EXT1: variants seen among roughly 807,000 people sequenced by gnomAD.
EXT1 encodes exostosin-1.
Under a neutral mutation model 82.5 loss-of-function variants are expected in EXT1, and 20 were observed. The ratio of observed to expected loss-of-function variants is 0.24; its 90% CI spans 0.17 to 0.35. EXT1 has a LOEUF of 0.35. Among genes scored for constraint, EXT1 ranks in the 10% least tolerant of loss-of-function variants. The pLI, the probability that EXT1 is intolerant of heterozygous loss-of-function variation, is 1.00. For missense variants in EXT1, 757 were observed against 936.5 expected, an observed-to-expected ratio of 0.81 and a Z score of 2.50; for synonymous variants, 348 against 350.8, an observed-to-expected ratio of 0.99 and a Z score of 0.09.
At chr8:117,863,773 C>G (rs1042354397) in intron 1 of EXT1, among the ~76,000 whole-genome samples, 1 of 152,166 alleles carries the variant, frequency 6.6e-6, no homozygotes, top group African/African-American at 2.4e-5. Flanking sequence ...GATATGTCAG[C>G]AACGCAGGGT....
intron 1 of EXT1, among the ~76,000 whole-genome samples, chr8:118,042,668 TTC>T (rs1265150920): frequency 6.6e-6 from 1 of 152,204 alleles, no homozygotes; most frequent in Non-Finnish European, 1.5e-5. Flanking sequence ...TTCTCCTGTG[TTC>T]TCTTTGTCCT....
chr8:117,830,157 A>G, intron 4 of EXT1, 73 bp downstream of exon 4: 1 of 1,603,004 alleles, frequency 6.2e-7, no homozygotes, highest in Non-Finnish European at 8.5e-7. Context: ...CATCCCTAAT[A>G]GCAAAACAGA....
At chr8:117,848,889 C>T (rs766197509) in intron 1 of EXT1, among the ~76,000 whole-genome samples, 1 of 152,148 alleles carries the variant, frequency 6.6e-6, no homozygotes, top group Non-Finnish European at 1.5e-5. Context: ...AAATGTCACC[C>T]CCCCAGTCTG....
At chr8:117,877,941 C>A (rs1188307365) in intron 1 of EXT1, among the ~76,000 whole-genome samples, 2 of 152,006 alleles carry the variant, frequency 1.3e-5, no homozygotes, top group Non-Finnish European at 2.9e-5. Flanking sequence ...AGGCTATGCC[C>A]CTTGGTGATT....
chr8:117,868,808 C>G (rs1259826884), intron 1 of EXT1, among the ~76,000 whole-genome samples: 2 of 152,112 alleles, frequency 1.3e-5, no homozygotes, highest in African/African-American at 4.8e-5. Flanking sequence ...ATCCTCACGA[C>G]CAAGGGGTAT....
chr8:118,068,203 G>A (rs1231191987), intron 1 of EXT1, among the ~76,000 whole-genome samples: 5 of 152,192 alleles, frequency 3.3e-5, no homozygotes, highest in African/African-American at 7.2e-5. Context: ...GGCAAACTCC[G>A]AAGTTCAAGT....
At chr8:118,019,450 T>C (rs1023612392) in intron 1 of EXT1, among the ~76,000 whole-genome samples, 1 of 152,176 alleles carries the variant, frequency 6.6e-6, no homozygotes, top group African/African-American at 2.4e-5. Flanking sequence ...CCATGCTTCT[T>C]AAAACAGGAA....
chr8:117,863,957 G>A (rs1382648759), intron 1 of EXT1, among the ~76,000 whole-genome samples: 1 of 152,146 alleles, frequency 6.6e-6, no homozygotes, highest in Non-Finnish European at 1.5e-5. Flanking sequence ...ACATGTTGCA[G>A]AAAAGGTTTC....
At chr8:118,025,208 G>A (rs551632104) in intron 1 of EXT1, among the ~76,000 whole-genome samples, 38 of 152,200 alleles carry the variant, frequency 2.5e-4, no homozygotes, top group Admixed American at 2.0e-3. Context: ...ACTAAGGTAG[G>A]TAAAGAAACA....
intron 1 of EXT1, among the ~76,000 whole-genome samples, chr8:117,974,020 C>T (rs1390903719): frequency 6.8e-6 from 1 of 147,476 alleles, no homozygotes; most frequent in Non-Finnish European, 1.5e-5. Context: ...GTAGACCAGC[C>T]CAGTGGTTTA....
Position 117,941,855 on chromosome 8 carries a change from A to C in EXT1, c.963-104654T>G, listed in dbSNP as rs562099344. Among the ~76,000 whole-genome samples the C allele has an allele frequency of 3.9e-5, 6 of 152,310 alleles. No homozygotes were observed. In the South Asian group the frequency reaches 1.2e-3, roughly 32 times the overall value. ...TAAGACCTACAGGCAAAACGTACAA[A>C]TGGCTGGGCAGCCTCACCCCTCTTG... On this transcript the variant is annotated intron_variant, in intron 1 of 10. Coordinates refer to ENST00000378204, the MANE Select transcript of EXT1 (RefSeq NM_000127.3).
At chr8:118,041,350 G>A (rs1387796803) in intron 1 of EXT1, among the ~76,000 whole-genome samples, 5 of 152,156 alleles carry the variant, frequency 3.3e-5, no homozygotes, top group East Asian at 1.9e-4. Context: ...TACTCTGCAT[G>A]TGATTAATCC....
chr8:118,013,719 A>G (rs905363707), intron 1 of EXT1, among the ~76,000 whole-genome samples: 4 of 152,222 alleles, frequency 2.6e-5, no homozygotes, highest in African/African-American at 9.6e-5. Flanking sequence ...TACCTGGTTA[A>G]CCTTGTATGT....
intron 1 of EXT1, among the ~76,000 whole-genome samples, chr8:118,022,589 C>T (rs1266299915): frequency 4.0e-5 from 6 of 150,764 alleles, no homozygotes; most frequent in South Asian, 2.1e-4. Context: ...CCACCTGCCT[C>T]GGACTCCCAA....
chr8:118,101,926 C>T (rs140556697), intron 1 of EXT1, among the ~76,000 whole-genome samples: 25 of 151,512 alleles, frequency 1.7e-4, no homozygotes, highest in African/African-American at 4.6e-4. Flanking sequence ...CAAGGTGAAA[C>T]CCATTACAGA....
intron 1 of EXT1, among the ~76,000 whole-genome samples, chr8:117,855,157 G>T (rs1271771569): frequency 1.3e-5 from 2 of 152,206 alleles, no homozygotes; most frequent in Non-Finnish European, 2.9e-5. Context: ...ATGTAAAGTT[G>T]TCGGAAATCA....
chr8:117,952,247 T>C (rs1814504239), intron 1 of EXT1, among the ~76,000 whole-genome samples: 2 of 152,200 alleles, frequency 1.3e-5, no homozygotes, highest in African/African-American at 4.8e-5. Context: ...ACATTACTGG[T>C]ATAGGTAATA....
intron 1 of EXT1, among the ~76,000 whole-genome samples, chr8:118,003,671 C>T (rs184253817): frequency 1.3e-5 from 2 of 152,246 alleles, no homozygotes; most frequent in Admixed American, 1.3e-4. Flanking sequence ...ACTAGACATA[C>T]CTGTTTTAGT....
At chr8:118,063,459 A>G (rs1208305203) in intron 1 of EXT1, among the ~76,000 whole-genome samples, 2 of 152,230 alleles carry the variant, frequency 1.3e-5, no homozygotes, top group Admixed American at 1.3e-4. Flanking sequence ...TGAAGTGCCA[A>G]CTGCGAGTCA....
Sources: gnomAD v4.1 joint callset for allele counts (sites outside exome capture counted in the v4.1 genomes callset) on GRCh38, gnomAD v4.1.1 for gene constraint, MANE v1.5 for transcripts, NCBI Gene and HGNC (gene_info 2026-07-23, HGNC 2026-07-21) for gene names.